NSD1: variants seen among roughly 807,000 people sequenced by gnomAD.
NSD1 encodes the protein nuclear receptor binding SET domain protein 1.
Under a neutral mutation model 242.7 loss-of-function variants are expected in NSD1, and 26 were observed. The ratio of observed to expected loss-of-function variants is 0.11; its 90% CI spans 0.08 to 0.15. The LOEUF is 0.15. Among genes scored for constraint, NSD1 ranks in the 10% least tolerant of loss-of-function variants. NSD1 has a pLI of 1.00. For synonymous variants in NSD1, 1,106 were observed against 1,178.1 expected, an observed-to-expected ratio of 0.94 and a Z score of 1.25; for missense variants, 2,495 against 3,272.8, an observed-to-expected ratio of 0.76 and a Z score of 5.80.
At chr5:177,228,246 C>CT (rs1164397339) in intron 5 of NSD1, among the ~76,000 whole-genome samples, 1 of 149,898 alleles carries the variant, frequency 6.7e-6, no homozygotes, top group Non-Finnish European at 1.5e-5. Context: ...TAACATTGGC[C>CT]TTTTTTTCTT....
At chr5:177,181,127 C>T (rs1425738669) in intron 2 of NSD1, among the ~76,000 whole-genome samples, 1 of 150,728 alleles carries the variant, frequency 6.6e-6, no homozygotes. Context: ...CAAACTCCGC[C>T]TCCCAGGTTC....
At chr5:177,159,273 GTTTT>G (rs994038685) in intron 2 of NSD1, among the ~76,000 whole-genome samples, 1 of 143,720 alleles carries the variant, frequency 7.0e-6, no homozygotes, top group Non-Finnish European at 1.5e-5. Flanking sequence ...TTTCTTTCCA[GTTTT>G]TTTTTTTGTT....
intron 2 of NSD1, among the ~76,000 whole-genome samples, chr5:177,181,345 G>T (rs1023424621): frequency 6.6e-6 from 1 of 151,494 alleles, no homozygotes; most frequent in Non-Finnish European, 1.5e-5. Context: ...CTATCAAATG[G>T]CATTGAATGC....
intron 2 of NSD1, among the ~76,000 whole-genome samples, chr5:177,148,206 C>T (rs1446202313): frequency 6.6e-6 from 1 of 151,982 alleles, no homozygotes; most frequent in East Asian, 1.9e-4. Flanking sequence ...CAACCTCTGC[C>T]TCCTGGGTTC....
intron 5 of NSD1, among the ~76,000 whole-genome samples, chr5:177,212,655 C>T (rs1763450561): frequency 6.6e-6 from 1 of 151,968 alleles, no homozygotes; most frequent in Non-Finnish European, 1.5e-5. Flanking sequence ...TTAAAATCCC[C>T]AAGCTTTTTG....
At chr5:177,284,386 T>C (rs1453251198) in intron 20 of NSD1, among the ~76,000 whole-genome samples, 1 of 152,192 alleles carries the variant, frequency 6.6e-6, no homozygotes, top group Admixed American at 6.5e-5. Flanking sequence ...CAAGCAATCC[T>C]GCTGCCTCAG....
chr5:177,295,553 C>T lies in NSD1; in HGVS notation c.*94C>T. On this transcript the variant is annotated 3_prime_UTR_variant, in exon 23 of 23. Transcript: ENST00000439151. The surrounding 1 kb of genome is among the most constrained non-coding windows in gnomAD (Gnocchi z 4.3). The stretch of plus-strand genomic sequence containing the variant: ...TTTCTTTCCCCCTTAAAAAAAAACA[C>T]ATCTGCCCCGAACACTTTCCCACTG... 1 of 1,264,406 alleles carries T rather than the reference C, an allele frequency of 7.9e-7. No homozygotes were observed. The highest frequency in any genetic ancestry group is 1.1e-6 in the Non-Finnish European group (1 of 886,408). 78.3% of individuals were successfully genotyped at this position (1,264,406 alleles called of 1,614,324 possible).
At position 177,187,100 on chromosome 5, in the gene NSD1, C is replaced by CT. The variant is rs11285630; in HGVS notation, c.928-4762dup. 9.5e-3 allele frequency among the ~76,000 whole-genome samples: 729 copies of CT among 76,502 alleles called. 23 individuals are homozygous for CT. The highest frequency in any genetic ancestry group is 0.026 in the African/African-American group (449 of 17,074). The allele number at this position is 76,502 out of a possible 152,430, so 50.2% of individuals were successfully genotyped here. A position where few individuals can be genotyped will look rare whatever the true frequency, so the allele number is the denominator to read the frequency against. ...TCTAATCGTTACAATTGTGACTTAA[C>CT]TTTTTTTTTTTTTTTTTTTTTTGAG... On this transcript the variant is annotated intron_variant, in intron 2 of 22. Coordinates refer to ENST00000439151, the MANE Select transcript of NSD1 (RefSeq NM_022455.5).
At chr5:177,243,245 C>T (rs1168206376) in intron 8 of NSD1, among the ~76,000 whole-genome samples, 2 of 151,966 alleles carry the variant, frequency 1.3e-5, no homozygotes, top group African/African-American at 4.8e-5. Flanking sequence ...AGTGCAGTGG[C>T]GCGATCTTGG....
intron 2 of NSD1, among the ~76,000 whole-genome samples, chr5:177,154,853 G>T (rs551329151): frequency 4.3e-4 from 66 of 151,774 alleles, no homozygotes; most frequent in Non-Finnish European, 5.4e-4. Flanking sequence ...CTGCCACCAT[G>T]CTCGGCTAAT....
At chr5:177,158,329 TTTTCTTTC>T (rs201158112) in intron 2 of NSD1, among the ~76,000 whole-genome samples, 7 of 140,634 alleles carry the variant, frequency 5.0e-5, no homozygotes, top group Non-Finnish European at 9.4e-5. Context: ...CTTTTCTTTC[TTTTCTTTC>T]TTTCTTTCTT....
chr5:177,184,562 T>C (rs1760947545), intron 2 of NSD1, among the ~76,000 whole-genome samples: 1 of 152,148 alleles, frequency 6.6e-6, no homozygotes, highest in Non-Finnish European at 1.5e-5. Flanking sequence ...AGGGTCTCAC[T>C]CTGTCACTTA....
chr5:177,289,522 C>T (rs924690180), intron 21 of NSD1, among the ~76,000 whole-genome samples: 1 of 152,066 alleles, frequency 6.6e-6, no homozygotes, highest in African/African-American at 2.4e-5. Context: ...TTAGTTACCT[C>T]CCTCGTCTTG....
chr5:177,135,327 T>C lies in NSD1; in HGVS notation c.224T>C (p.Leu75Pro). The C allele has an allele frequency of 6.2e-7, 1 of 1,612,964 alleles. No individual in the cohort carries two copies. The highest frequency in any genetic ancestry group is 1.3e-5 in the African/African-American group (1 of 75,004). Residue 75 changes from leucine (L) to proline (P), a missense_variant, in exon 2 of 23, where the codon CTA becomes CCA. Leu to Pro is a moderately conservative substitution (Grantham distance 98, BLOSUM62 -3). Transcript: ENST00000439151. Reference protein sequence around the residue: ...SPSCYIPLRRLQDLASMINVE... With the variant: ...SPSCYIPLRRPQDLASMINVE... Reference sequence around the variant, plus strand: ...TCTTGTTACATTCCACTGCGGAGACTACAGGATTTGGCCTCCATGATCAAT... The same window carrying C: ...TCTTGTTACATTCCACTGCGGAGACCACAGGATTTGGCCTCCATGATCAAT...
intron 5 of NSD1, among the ~76,000 whole-genome samples, chr5:177,221,322 AC>A (rs1302704422): frequency 5.5e-5 from 8 of 146,100 alleles, no homozygotes; most frequent in Middle Eastern, 3.2e-3. Context: ...TAATTGACAT[AC>A]TTTGTTTTCT....
chr5:177,145,880 C>G (rs1210240444), intron 2 of NSD1, among the ~76,000 whole-genome samples: 2 of 149,220 alleles, frequency 1.3e-5, no homozygotes, highest in Non-Finnish European at 3.0e-5. Flanking sequence ...TGCACTCCAG[C>G]CTGGGCTAGA....
chr5:177,138,268 A>G (rs1413204519), intron 2 of NSD1, among the ~76,000 whole-genome samples: 1 of 151,916 alleles, frequency 6.6e-6, no homozygotes, highest in Non-Finnish European at 1.5e-5. Context: ...TAGTTTATTT[A>G]TTTTTTTGAG....
At chr5:177,254,888 G>A (rs1313209360) in intron 12 of NSD1, among the ~76,000 whole-genome samples, 1 of 152,106 alleles carries the variant, frequency 6.6e-6, no homozygotes, top group East Asian at 1.9e-4. Flanking sequence ...TTTTTCCTAG[G>A]AAAGCTATTA....
At chr5:177,190,708 C>T (rs2149819404) in intron 2 of NSD1, among the ~76,000 whole-genome samples, 1 of 150,574 alleles carries the variant, frequency 6.6e-6, no homozygotes, top group African/African-American at 2.4e-5. Context: ...CTTGCTCTGT[C>T]TCCCAGGCTG....
Sources: gnomAD v4.1 joint callset for allele counts (sites outside exome capture counted in the v4.1 genomes callset) on GRCh38, gnomAD v4.1.1 for gene constraint, Gnocchi (gnomAD v3.1) non-coding constraint, MANE v1.5 for transcripts, NCBI Gene and HGNC (gene_info 2026-07-23, HGNC 2026-07-21) for gene names.